CADM2: variants seen among roughly 807,000 people sequenced by gnomAD.
CADM2 encodes immunoglobulin superfamily member 4D.
Under a neutral mutation model 49.8 loss-of-function variants are expected in CADM2, and 12 were observed. That is an observed-to-expected ratio of 0.24 (90% confidence interval 0.15 to 0.39). The LOEUF (loss-of-function observed/expected upper bound fraction) is 0.39, where lower values mean the gene tolerates loss of function less well. CADM2 is among the 10% of genes least tolerant of loss of function. The pLI, the probability that CADM2 is intolerant of heterozygous loss-of-function variation, is 1.00. For missense variants in CADM2, 378 were observed against 492.3 expected, an observed-to-expected ratio of 0.77 and a Z score of 2.20; for synonymous variants, 214 against 175.4, an observed-to-expected ratio of 1.22 and a Z score of -1.74.
intron 1 of CADM2, among the ~76,000 whole-genome samples, chr3:85,091,224 G>C (rs554853525): frequency 6.6e-6 from 1 of 152,068 alleles, no homozygotes; most frequent in East Asian, 1.9e-4. Flanking sequence ...TGAAAAGTGA[G>C]AATGGCACTA....
intron 1 of CADM2, among the ~76,000 whole-genome samples, chr3:85,180,187 C>A (rs1277765863): frequency 6.6e-6 from 1 of 151,882 alleles, no homozygotes; most frequent in African/African-American, 2.4e-5. Flanking sequence ...GAAGAAATTA[C>A]AGAATTGGCA....
At chr3:85,922,797 TA>T (rs1205676939) in intron 6 of CADM2, among the ~76,000 whole-genome samples, 2 of 151,616 alleles carry the variant, frequency 1.3e-5, no homozygotes, top group Non-Finnish European at 2.9e-5. Context: ...AAAGAGCAAT[TA>T]AAATAAAACT....
chr3:85,396,910 T>G (rs900238833), intron 1 of CADM2, among the ~76,000 whole-genome samples: 1 of 152,032 alleles, frequency 6.6e-6, no homozygotes, highest in Non-Finnish European at 1.5e-5. Context: ...GATAAATTGG[T>G]CTTCATCAAA....
chr3:85,484,473 T>C (rs1032515791), intron 1 of CADM2, among the ~76,000 whole-genome samples: 2 of 151,978 alleles, frequency 1.3e-5, no homozygotes, highest in Non-Finnish European at 2.9e-5. Context: ...CAAATGAATC[T>C]ATACAACCTT....
At chr3:85,544,562 T>G (rs1486601928) in intron 1 of CADM2, among the ~76,000 whole-genome samples, 1 of 151,706 alleles carries the variant, frequency 6.6e-6, no homozygotes, top group Non-Finnish European at 1.5e-5. Flanking sequence ...GGGCGACAGA[T>G]AAAGACTCCG....
chr3:85,590,368 A>C (rs762093751), intron 1 of CADM2, among the ~76,000 whole-genome samples: 4 of 151,984 alleles, frequency 2.6e-5, no homozygotes, highest in African/African-American at 9.7e-5. Context: ...TAAGCGCTTT[A>C]TAGTACTTGA....
intron 1 of CADM2, among the ~76,000 whole-genome samples, chr3:85,266,226 C>T (rs558717602): frequency 6.6e-6 from 1 of 151,832 alleles, no homozygotes; most frequent in Non-Finnish European, 1.5e-5. Context: ...TGGATTTTTG[C>T]AGTCTCAAAA....
chr3:85,114,550 G>C (rs1218891780), intron 1 of CADM2, among the ~76,000 whole-genome samples: 1 of 152,192 alleles, frequency 6.6e-6, no homozygotes, highest in African/African-American at 2.4e-5. Flanking sequence ...AGTTCTGAAA[G>C]TAACCTGTCT....
At chr3:85,378,915 A>G (rs1223264369) in intron 1 of CADM2, among the ~76,000 whole-genome samples, 1 of 152,028 alleles carries the variant, frequency 6.6e-6, no homozygotes, top group African/African-American at 2.4e-5. Flanking sequence ...TAAAGTGACA[A>G]AAACCCAAAT....
Position 85,587,335 on chromosome 3 carries a change from G to A in CADM2, c.62-139187G>A, listed in dbSNP as rs148188774. Reference sequence around the variant, plus strand: ...TGAGCAAACAAGAAAAATCTTATTTGTTCCAGTAATAGTAGGGTATATTCA... The same window carrying A: ...TGAGCAAACAAGAAAAATCTTATTTATTCCAGTAATAGTAGGGTATATTCA... On this transcript the variant is annotated intron_variant, in intron 1 of 9. Coordinates refer to ENST00000383699, the MANE Select transcript of CADM2 (RefSeq NM_001167675.2). Among the ~76,000 whole-genome samples the A allele has an allele frequency of 2.2e-3, 339 of 152,186 alleles. 1 individual carries two copies. Among genetic ancestry groups the A allele is most frequent in the African/African-American group, 7.2e-3 (298 of 41,568 alleles).
intron 1 of CADM2, among the ~76,000 whole-genome samples, chr3:85,493,323 T>C (rs1256108390): frequency 6.6e-6 from 1 of 152,144 alleles, no homozygotes; most frequent in Admixed American, 6.5e-5. Context: ...TGTGTTCAGG[T>C]TTCTTTTATT....
chr3:85,972,731 C>T (rs1239847924), intron 8 of CADM2, among the ~76,000 whole-genome samples: 7 of 151,642 alleles, frequency 4.6e-5, no homozygotes, highest in Admixed American at 4.6e-4. Context: ...CTGAAAAGCT[C>T]GTTATTGGAA....
At chr3:85,425,119 A>G (rs2036343130) in intron 1 of CADM2, among the ~76,000 whole-genome samples, 1 of 152,198 alleles carries the variant, frequency 6.6e-6, no homozygotes, top group Admixed American at 6.5e-5. Context: ...TATTTACTCA[A>G]AAGAGTAGTT....
At chr3:85,999,432 G>A (rs147489393) in intron 8 of CADM2, among the ~76,000 whole-genome samples, 2 of 151,954 alleles carry the variant, frequency 1.3e-5, no homozygotes, top group African/African-American at 2.4e-5. Context: ...TTGAACCCGG[G>A]AGGTGAAGCT....
intron 1 of CADM2, among the ~76,000 whole-genome samples, chr3:85,636,410 T>C (rs1319083833): frequency 6.6e-6 from 1 of 152,132 alleles, no homozygotes; most frequent in Non-Finnish European, 1.5e-5. Flanking sequence ...AAGAAAATAG[T>C]TTGTACAGTT....
intron 1 of CADM2, among the ~76,000 whole-genome samples, chr3:85,190,869 T>A (rs1243834403): frequency 2.6e-5 from 4 of 152,140 alleles, no homozygotes; most frequent in African/African-American, 9.6e-5. Context: ...TGCAATGAGA[T>A]TGGTAACTGA....
At chr3:85,337,114 C>T (rs72903248) in intron 1 of CADM2, among the ~76,000 whole-genome samples, 10,459 of 146,712 alleles carry the variant, frequency 0.071, 684 homozygotes, top group African/African-American at 0.17. Context: ...TTCCATCTGC[C>T]ATCTCATCCC....
At chr3:85,602,583 C>G (rs1472202771) in intron 1 of CADM2, among the ~76,000 whole-genome samples, 1 of 151,690 alleles carries the variant, frequency 6.6e-6, no homozygotes, top group African/African-American at 2.4e-5. Context: ...CTAGGTCTCT[C>G]TTAGTGTGGT....
At chr3:85,216,292 T>A (rs1002753042) in intron 1 of CADM2, among the ~76,000 whole-genome samples, 1 of 146,974 alleles carries the variant, frequency 6.8e-6, no homozygotes, top group Admixed American at 6.8e-5. Flanking sequence ...TATTTATATT[T>A]AATATATTTA....
Sources: allele counts gnomAD v4.1 joint callset (sites outside exome capture counted in the v4.1 genomes callset), GRCh38; gene constraint gnomAD v4.1.1; transcripts MANE v1.5; gene names NCBI Gene and HGNC (gene_info 2026-07-23, HGNC 2026-07-21).